SLC22A3: variants seen among roughly 807,000 people sequenced by gnomAD.
SLC22A3 encodes solute carrier family 22 member 3.
In SLC22A3, 51 loss-of-function variants were observed where a neutral mutation model predicts 59.1. The ratio of observed to expected loss-of-function variants is 0.86; its 90% CI spans 0.69 to 1.09. The LOEUF is 1.09. Ranked by LOEUF, SLC22A3 falls within the 50% of genes least tolerant of loss-of-function variation. The pLI, the probability that SLC22A3 is intolerant of heterozygous loss-of-function variation, is 0.00. For missense variants in SLC22A3, 711 were observed against 726.3 expected (o/e 0.98, Z 0.24); for synonymous variants, 325 against 292.0 (o/e 1.11, Z -1.15).
chr6:160,376,766 C>A (rs569145308), intron 1 of SLC22A3, among the ~76,000 whole-genome samples: 1 of 152,286 alleles, frequency 6.6e-6, no homozygotes, highest in East Asian at 1.9e-4. Context: ...GCTGGGTCAC[C>A]ATGAAGTCCC....
rs539939663 is a variant in SLC22A3 at position 160,425,805 on chromosome 6, C to T, written c.976-10975C>T. On this transcript the variant is annotated intron_variant, in intron 5 of 10. Transcript: ENST00000275300. Reference sequence around the variant, plus strand: ...GTTGGAATATGATAAATCAAGTCACCGTTCAAAGTTGAATAAATAGTGAAC... The same window carrying T: ...GTTGGAATATGATAAATCAAGTCACTGTTCAAAGTTGAATAAATAGTGAAC... 4.7e-5 allele frequency: 46 copies of T among 984,656 alleles called. No individual in the cohort carries two copies. The African/African-American group carries it at 6.6e-4, about 14-fold the overall frequency. The allele number at this position is 984,656 out of a possible 1,614,324, so 61.0% of individuals were successfully genotyped here. A position where few individuals can be genotyped will look rare whatever the true frequency, so the allele number is the denominator to read the frequency against.
chr6:160,410,585 A>G, intron 4 of SLC22A3, 144 bp from the exon 5 acceptor site: 1 of 663,862 alleles, frequency 1.5e-6, no homozygotes, highest in Non-Finnish European at 2.8e-6. Context: ...AATAATCTGT[A>G]TTTCAGGGAC....
At chr6:160,434,697 C>T (rs189876976) in intron 5 of SLC22A3, among the ~76,000 whole-genome samples, 1 of 152,180 alleles carries the variant, frequency 6.6e-6, no homozygotes, top group Non-Finnish European at 1.5e-5. Context: ...TTTTGATATT[C>T]CTGTCTTGTT....
chr6:160,356,125 T>A (rs1784831769), intron 1 of SLC22A3, among the ~76,000 whole-genome samples: 1 of 152,250 alleles, frequency 6.6e-6, no homozygotes, highest in Admixed American at 6.5e-5. Flanking sequence ...CTTTCAGAGA[T>A]TAACCCAGGC....
intron 1 of SLC22A3, among the ~76,000 whole-genome samples, chr6:160,359,679 G>A (rs1784951788): frequency 6.6e-6 from 1 of 152,186 alleles, no homozygotes; most frequent in Non-Finnish European, 1.5e-5. Flanking sequence ...TAGCCTTCTG[G>A]ATTTGATACA....
At chr6:160,370,532 G>T (rs1287159657) in intron 1 of SLC22A3, among the ~76,000 whole-genome samples, 4 of 152,284 alleles carry the variant, frequency 2.6e-5, no homozygotes, top group Middle Eastern at 6.8e-3. Context: ...TTCAAGCTGG[G>T]CTAGGGGAAT....
chr6:160,410,901 G>A (rs1787221061), intron 5 of SLC22A3, 55 bp downstream of exon 5: 1 of 1,041,168 alleles, frequency 9.6e-7, no homozygotes, highest in Admixed American at 1.7e-5. Context: ...AATTGATTTT[G>A]TTGCTTCTTG....
intron 1 of SLC22A3, among the ~76,000 whole-genome samples, chr6:160,396,217 T>C (rs1786464588): frequency 6.6e-6 from 1 of 152,192 alleles, no homozygotes; most frequent in Admixed American, 6.5e-5. Flanking sequence ...AGTTTTAAAA[T>C]CTTCAGGGCA....
intron 5 of SLC22A3, among the ~76,000 whole-genome samples, chr6:160,416,824 T>A (rs1037452121): frequency 2.0e-5 from 3 of 152,188 alleles, no homozygotes; most frequent in Non-Finnish European, 2.9e-5. Flanking sequence ...GTGTGAATAA[T>A]GGATGGAGTA....
chr6:160,418,367 TGAAG>T (rs1296937864), intron 5 of SLC22A3, among the ~76,000 whole-genome samples: 5 of 152,220 alleles, frequency 3.3e-5, no homozygotes, highest in Admixed American at 2.6e-4. Context: ...GGCCACATAC[TGAAG>T]GCTGCACTGT....
chr6:160,355,643 C>T (rs1181594969), intron 1 of SLC22A3, among the ~76,000 whole-genome samples: 1 of 151,602 alleles, frequency 6.6e-6, no homozygotes. Flanking sequence ...ATGGTGGCGG[C>T]TGCCTGTAGT....
At chr6:160,351,535 C>G (rs115758278) in intron 1 of SLC22A3, among the ~76,000 whole-genome samples, 78 of 152,334 alleles carry the variant, frequency 5.1e-4, no homozygotes, top group African/African-American at 1.8e-3. Flanking sequence ...CAGCAACTCT[C>G]TGAATTCTGC....
chr6:160,450,367 T>C (rs1285361614), intron 10 of SLC22A3, among the ~76,000 whole-genome samples: 1 of 152,238 alleles, frequency 6.6e-6, no homozygotes, highest in African/African-American at 2.4e-5. Flanking sequence ...ATGGCTGTAT[T>C]CTGCCCGATC....
Position 160,348,802 on chromosome 6 carries a change from G to T in SLC22A3, c.383G>T (p.Arg128Leu), listed in dbSNP as rs867032387. ...PNRSAPLVPC[R>L]GGWRYAQAHS... ...CGCTCGGCTCCCCTTGTGCCGTGCC[G>T]CGGCGGCTGGCGCTACGCCCAGGCC... The change falls in exon 1 of 11, where the codon CGC becomes CTC. Residue 128 changes from arginine (R) to leucine (L), a missense_variant. Physicochemically the swap from Arg to Leu is moderately radical, Grantham distance 102 (BLOSUM62 -2). Transcript: ENST00000275300. 2 of 1,578,288 alleles carry T rather than the reference G, an allele frequency of 1.3e-6. No homozygotes were observed. The highest frequency in any genetic ancestry group is 1.7e-6 in the Non-Finnish European group (2 of 1,170,524).
At chr6:160,384,205 G>A (rs1255338339) in intron 1 of SLC22A3, among the ~76,000 whole-genome samples, 5 of 152,094 alleles carry the variant, frequency 3.3e-5, no homozygotes, top group African/African-American at 7.2e-5. Flanking sequence ...GAGCCACCAC[G>A]CCTGGCTCAA....
At chr6:160,403,327 A>T (rs1056169143) in intron 2 of SLC22A3, among the ~76,000 whole-genome samples, 7 of 151,896 alleles carry the variant, frequency 4.6e-5, no homozygotes, top group South Asian at 2.1e-4. Flanking sequence ...GAAAGATTAC[A>T]ATCTGCCAAA....
intron 1 of SLC22A3, among the ~76,000 whole-genome samples, chr6:160,394,239 G>A (rs963270345): frequency 1.3e-5 from 2 of 152,234 alleles, no homozygotes; most frequent in African/African-American, 2.4e-5. Context: ...AATTGTTGGT[G>A]ATCCACAATG....
At chr6:160,370,432 T>G (rs1434875566) in intron 1 of SLC22A3, among the ~76,000 whole-genome samples, 1 of 152,232 alleles carries the variant, frequency 6.6e-6, no homozygotes, top group African/African-American at 2.4e-5. Flanking sequence ...GTCTCTTCAT[T>G]GCTTCTCCAT....
At chr6:160,387,136 C>T (rs1247643454) in intron 1 of SLC22A3, among the ~76,000 whole-genome samples, 1 of 152,186 alleles carries the variant, frequency 6.6e-6, no homozygotes, top group Non-Finnish European at 1.5e-5. Flanking sequence ...TGGCAACTGC[C>T]CGAGCACCCA....
Sources: gnomAD v4.1 joint callset for allele counts (sites outside exome capture counted in the v4.1 genomes callset) on GRCh38, gnomAD v4.1.1 for gene constraint, MANE v1.5 for transcripts, NCBI Gene and HGNC (gene_info 2026-07-23, HGNC 2026-07-21) for gene names.